The following DNMBP variants were observed in gnomAD, a reference collection of about 807,000 sequenced individuals.
DNMBP encodes dynamin-binding protein.
Under a neutral mutation model 150.0 loss-of-function variants are expected in DNMBP, and 87 were observed. That is an observed-to-expected ratio of 0.58 (90% CI 0.49 to 0.69). The LOEUF (loss-of-function observed/expected upper bound fraction) is 0.69, where lower values mean the gene tolerates loss of function less well. Among genes scored for constraint, DNMBP ranks in the 30% least tolerant of loss-of-function variants. The pLI is 0.00. For missense variants in DNMBP, 1,774 were observed against 1,949.0 expected (o/e 0.91, Z 1.69); for synonymous variants, 711 against 750.4 (o/e 0.95, Z 0.86).
At chr10:99,951,588 T>C (rs1489994882) in intron 4 of DNMBP, among the ~76,000 whole-genome samples, 1 of 152,218 alleles carries the variant, frequency 6.6e-6, no homozygotes, top group Non-Finnish European at 1.5e-5. Context: ...TTGTGAGACA[T>C]GGAGTCAAAG....
At position 99,943,400 on chromosome 10, in the gene DNMBP, GTTTGTTTGTTTT is replaced by G. The variant is rs900963459; in HGVS notation, c.2260+11802_2260+11813del. Among the ~76,000 whole-genome samples, 3 of 151,194 alleles carry G rather than the reference GTTTGTTTGTTTT, an allele frequency of 2.0e-5. No homozygotes were observed. The East Asian group carries it at 5.8e-4, about 29-fold the overall frequency. On this transcript the variant is annotated intron_variant, in intron 4 of 16. Coordinates refer to ENST00000324109, the MANE Select transcript of DNMBP (RefSeq NM_015221.4). ...TGGTTTTTTGTTTGTTTGTTTGTTT[GTTTGTTTGTTTT>G]TTTGAGACAGTTTCACTCTGTCACC...
chr10:99,992,400 C>T (rs182153463), intron 1 of DNMBP, among the ~76,000 whole-genome samples: 1 of 152,070 alleles, frequency 6.6e-6, no homozygotes, highest in East Asian at 1.9e-4. Context: ...CAAGTTAATT[C>T]TCTGTGTCTT....
chr10:99,966,960 A>AT (rs769272006), intron 3 of DNMBP, among the ~76,000 whole-genome samples: 612 of 136,856 alleles, frequency 4.5e-3, no homozygotes, highest in Middle Eastern at 0.012. Flanking sequence ...GGCTAATTTA[A>AT]TTTTTTTTTT....
chr10:99,969,024 A>G, intron 3 of DNMBP, 91 bp downstream of exon 3: 1 of 1,506,986 alleles, frequency 6.6e-7, no homozygotes, highest in African/African-American at 1.4e-5. Flanking sequence ...AGGTTAAGCC[A>G]CTTCACAAAT....
intron 4 of DNMBP, among the ~76,000 whole-genome samples, chr10:99,944,605 A>G (rs1373491438): frequency 6.6e-6 from 1 of 152,244 alleles, no homozygotes; most frequent in African/African-American, 2.4e-5. Context: ...GTTCATCGCT[A>G]TGTACCCAGC....
At chr10:99,919,429 T>G (rs990715115) in intron 4 of DNMBP, among the ~76,000 whole-genome samples, 2 of 152,240 alleles carry the variant, frequency 1.3e-5, no homozygotes, top group Non-Finnish European at 2.9e-5. Context: ...TCATAACATT[T>G]TATATATCTT....
At chr10:99,945,999 C>T (rs935354343) in intron 4 of DNMBP, among the ~76,000 whole-genome samples, 3 of 152,206 alleles carry the variant, frequency 2.0e-5, no homozygotes, top group Non-Finnish European at 2.9e-5. Context: ...CTCTGTTGCC[C>T]AGGCTGTAGT....
rs367710052 is a variant in DNMBP at position 99,955,776 on chromosome 10, G to A, written c.1698C>T (p.Pro566=). The A allele has an allele frequency of 5.3e-5, 85 of 1,614,072 alleles. No homozygotes were observed. Among genetic ancestry groups the A allele is most frequent in the Middle Eastern group, 1.6e-4 (1 of 6,084 alleles). The part of the protein sequence containing the change: ...LIEFEKSLAG[P]GTEPDKILRH... ...GTAAAATTTTATCTGGCTCTGTGCC[G>A]GGCCCTGCCAAGCTCTTCTCAAACT... Residue 566 remains proline (P), a synonymous_variant, in exon 4 of 17, where the codon CCC becomes CCT. Transcript: ENST00000324109.
At chr10:99,908,619 C>G (rs962198570) in intron 5 of DNMBP, among the ~76,000 whole-genome samples, 1 of 152,176 alleles carries the variant, frequency 6.6e-6, no homozygotes, top group Non-Finnish European at 1.5e-5. Flanking sequence ...TGTAACTGCT[C>G]ACCCCCAGGT....
chr10:99,962,562 C>T (rs184785782), intron 3 of DNMBP, among the ~76,000 whole-genome samples: 61 of 152,036 alleles, frequency 4.0e-4, no homozygotes, highest in African/African-American at 1.4e-3. Flanking sequence ...ACCTGGGAGG[C>T]GGAGCTTGCA....
At chr10:99,979,182 C>G (rs891050044) in intron 1 of DNMBP, among the ~76,000 whole-genome samples, 1 of 152,202 alleles carries the variant, frequency 6.6e-6, no homozygotes, top group Non-Finnish European at 1.5e-5. Flanking sequence ...TTTGATGACC[C>G]TTCACCCAAC....
chr10:99,899,022 G>A (rs994132155), intron 7 of DNMBP, among the ~76,000 whole-genome samples: 2 of 150,864 alleles, frequency 1.3e-5, no homozygotes. Flanking sequence ...GTGAAACCCC[G>A]TCTATACTAA....
rs1431664786 is a variant in DNMBP at position 99,886,388 on chromosome 10, C to T, written c.3530G>A (p.Gly1177Asp). ...GCCGTGGACACAGTTGGTGAAGAGG[C>T]CCTGGGCGTACTGGTGGAACTTGGG... Reference protein sequence around the residue: ...ELPKFHQYAQGLFTNCVHGYA... With the variant: ...ELPKFHQYAQDLFTNCVHGYA... The change falls in exon 13 of 17, where the codon GGC becomes GAC. Residue 1177 changes from glycine (G) to aspartate (D), a missense_variant. By Grantham distance (94) the Gly-to-Asp change is moderately conservative (BLOSUM62 -1). Around this residue, in one of 2 missense-constraint regions of DNMBP, gnomAD observed 1,430 missense variants for 1,492.5 expected, o/e 0.96. Transcript: ENST00000324109. 3.1e-6 allele frequency: 5 copies of T among 1,614,144 alleles called. No individual in the cohort carries two copies. Among genetic ancestry groups the T allele is most frequent in the Admixed American group, 1.7e-5 (1 of 60,016 alleles).
chr10:99,992,526 G>GTTTT (rs1164839351), intron 1 of DNMBP, among the ~76,000 whole-genome samples: 3 of 129,606 alleles, frequency 2.3e-5, no homozygotes, highest in African/African-American at 2.9e-5. Context: ...GAATCTAGGA[G>GTTTT]TTTTTTTTTT....
intron 4 of DNMBP, among the ~76,000 whole-genome samples, chr10:99,951,567 G>A (rs537056064): frequency 6.6e-5 from 10 of 152,350 alleles, no homozygotes; most frequent in African/African-American, 2.4e-4. Flanking sequence ...TCTTGCATCG[G>A]TGTGACCTCG....
intron 4 of DNMBP, among the ~76,000 whole-genome samples, chr10:99,912,975 T>C (rs977611091): frequency 1.3e-5 from 2 of 152,164 alleles, no homozygotes; most frequent in Non-Finnish European, 2.9e-5. Context: ...GCCACATATA[T>C]TCTAATAAAA....
chr10:99,900,695 A>G (rs1206247719), intron 6 of DNMBP, among the ~76,000 whole-genome samples: 3 of 152,108 alleles, frequency 2.0e-5, no homozygotes, highest in African/African-American at 7.2e-5. Flanking sequence ...GCAGTGGCAC[A>G]TCTCGGCTCA....
chr10:99,987,772 G>A (rs1237903458), intron 1 of DNMBP, among the ~76,000 whole-genome samples: 4 of 151,904 alleles, frequency 2.6e-5, no homozygotes, highest in African/African-American at 4.8e-5. Context: ...GAAACAGGTG[G>A]GAGATTTATA....
chr10:99,961,168 C>T (rs1452155952), intron 3 of DNMBP, among the ~76,000 whole-genome samples: 1 of 151,054 alleles, frequency 6.6e-6, no homozygotes, highest in Non-Finnish European at 1.5e-5. Context: ...AACTCCAACT[C>T]CCAAATAAAT....
Sources: allele counts gnomAD v4.1 joint callset (sites outside exome capture counted in the v4.1 genomes callset), GRCh38; gene constraint gnomAD v4.1.1; regional missense constraint gnomAD v4.1.1; transcripts MANE v1.5; gene names NCBI Gene and HGNC (gene_info 2026-07-23, HGNC 2026-07-21).